The following DDX1 variants were observed in gnomAD, a reference collection of about 807,000 sequenced individuals.
DDX1 encodes DEAD-box helicase 1, also known as ATP-dependent RNA helicase DDX1.
A neutral mutation model predicts 108.7 loss-of-function variants in DDX1; 28 were observed. That is an observed-to-expected ratio of 0.26 (90% CI 0.19 to 0.35). DDX1 has a LOEUF of 0.35. Ranked by LOEUF, DDX1 falls within the 10% of genes least tolerant of loss-of-function variation. The pLI is 1.00. For missense variants in DDX1, 710 were observed against 884.5 expected (o/e 0.80, Z 2.50); for synonymous variants, 295 against 288.9 (o/e 1.02, Z -0.21).
intron 13 of DDX1, among the ~76,000 whole-genome samples, chr2:15,611,589 G>A (rs1665761518): frequency 8.2e-6 from 1 of 121,664 alleles, no homozygotes. Flanking sequence ...CCTCCCGGAC[G>A]GGGCGGCTGG....
intron 1 of DDX1, among the ~76,000 whole-genome samples, chr2:15,594,510 A>C (rs79889802): frequency 0.019 from 2,824 of 152,314 alleles, 95 homozygotes; most frequent in African/African-American, 0.063. Flanking sequence ...TTGAAGTAGA[A>C]TTATTGAGAT....
In DDX1 at chr2:15,630,788, A is replaced by G. The variant is rs866682309; in HGVS notation, c.2105A>G (p.Lys702Arg). ...GTGTGTGATGCAGGTGGAAGCTATA[A>G]AGGCCATGTGGATATTTTGGCACCT... ...QKRAAGGGSY[K>R]GHVDILAPTV... Residue 702 changes from lysine (K) to arginine (R), a missense_variant, in exon 26 of 26, where the codon AAA becomes AGA. Lys to Arg is a conservative substitution (Grantham distance 26). Coordinates refer to ENST00000233084, the MANE Select transcript of DDX1 (RefSeq NM_004939.3). The G allele has an allele frequency of 6.2e-7, 1 of 1,613,650 alleles. No individual in the cohort carries two copies. The highest frequency in any genetic ancestry group is 1.3e-5 in the African/African-American group (1 of 75,028).
chr2:15,607,585 A>G (rs1665685678), intron 13 of DDX1, among the ~76,000 whole-genome samples: 1 of 151,900 alleles, frequency 6.6e-6, no homozygotes, highest in Non-Finnish European at 1.5e-5. Flanking sequence ...GTAAAAATCT[A>G]ATTTTTGGTT....
At position 15,604,519 on chromosome 2, in the gene DDX1, A is replaced by T; in HGVS notation, c.625+10A>T. On this transcript the variant is annotated intron_variant, in intron 10 of 25. Transcript: ENST00000233084. ...AAGTTCTCCAAAAATGGTAAGCTCT[A>T]TATGGATCTTAGTAGTGAAAAGATA... 1.9e-6 allele frequency: 3 copies of T among 1,540,790 alleles called. No homozygotes were observed. Among genetic ancestry groups the T allele is most frequent in the South Asian group, 2.2e-5 (2 of 89,300 alleles).
At chr2:15,604,657 G>A (rs1163519110) in intron 10 of DDX1, 148 bp downstream of exon 10, 1 of 619,750 alleles carries the variant, frequency 1.6e-6, no homozygotes, top group Non-Finnish European at 2.9e-6. Flanking sequence ...TTGACTATGT[G>A]TAAGGTACCC....
At chr2:15,593,618 T>A (rs538787644) in intron 1 of DDX1, among the ~76,000 whole-genome samples, 7 of 152,340 alleles carry the variant, frequency 4.6e-5, no homozygotes, top group African/African-American at 1.7e-4. Context: ...CTTGCAGTAT[T>A]CCGTATGCAG....
chr2:15,603,298 A>G (rs2148739221), intron 8 of DDX1, 23 bp downstream of exon 8: 1 of 1,463,926 alleles, frequency 6.8e-7, no homozygotes, highest in South Asian at 1.2e-5. Flanking sequence ...AAAATAACTG[A>G]ATTGATTGAT....
intron 13 of DDX1, among the ~76,000 whole-genome samples, chr2:15,608,663 G>GTTTTTTTTTTT (rs569566545): frequency 2.8e-5 from 3 of 106,726 alleles, no homozygotes; most frequent in African/African-American, 3.7e-5. Flanking sequence ...TTTTTTTTAG[G>GTTTTTTTTTTT]TTTTTTTTTT....
Position 15,613,302 on chromosome 2 carries a change from TTTTTAAAACA to T in DDX1, c.1017+20_1017+29del. The T allele has an allele frequency of 6.4e-7, 1 of 1,574,486 alleles. No individual in the cohort carries two copies. The highest frequency in any genetic ancestry group is 8.7e-7 in the Non-Finnish European group (1 of 1,154,314). ...AAAATGGAGTAAGTTGTAGTTTTAA[TTTTTAAAACA>T]TAATGTCATGGGCTGTCGTTTTAGC... On this transcript the variant is annotated intron_variant, in intron 14 of 25. Transcript: ENST00000233084.
At chr2:15,595,620 A>C (rs1665484995) in intron 3 of DDX1, 67 bp downstream of exon 3, 1 of 1,073,648 alleles carries the variant, frequency 9.3e-7, no homozygotes. Flanking sequence ...TAGGCTTACA[A>C]ATGCTACTTT....
intron 13 of DDX1, 102 bp downstream of exon 13, chr2:15,607,415 T>TTATGTATACACACTG: frequency 4.1e-6 from 4 of 980,230 alleles, no homozygotes; most frequent in Non-Finnish European, 6.2e-6. Flanking sequence ...TCAGTGTGTA[T>TTATGTATACACACTG]ACATAATACA....
At chr2:15,611,733 G>T (rs1456595958) in intron 13 of DDX1, among the ~76,000 whole-genome samples, 1 of 80,128 alleles carries the variant, frequency 1.2e-5, no homozygotes, top group African/African-American at 6.8e-5. Flanking sequence ...CTGGCCGGGC[G>T]GGGGGCTGAC....
At chr2:15,597,529 A>G in intron 5 of DDX1, 58 bp downstream of exon 5, 1 of 1,126,014 alleles carries the variant, frequency 8.9e-7, no homozygotes, top group South Asian at 1.4e-5. Context: ...CATCACTGAC[A>G]GTTAGGAAAG....
At position 15,628,493 on chromosome 2, in the gene DDX1, A is replaced by G; in HGVS notation, c.1735A>G (p.Ile579Val). The change falls in exon 21 of 26, where the codon ATT becomes GTT. Residue 579 changes from isoleucine (I) to valine (V), a missense_variant. Coordinates refer to ENST00000233084, the MANE Select transcript of DDX1 (RefSeq NM_004939.3). The stretch of plus-strand genomic sequence containing the variant: ...TTGCACAGATGTAGCTGCTAGAGGA[A>G]TTGATATCCACGGTGTTCCTTATGG... ...LICTDVAARGIDIHGVPYVIN... is the reference protein window; with the variant it reads ...LICTDVAARGVDIHGVPYVIN... The G allele has an allele frequency of 1.2e-6, 2 of 1,613,350 alleles. No homozygotes were observed. The highest frequency in any genetic ancestry group is 1.7e-6 in the Non-Finnish European group (2 of 1,179,382).
At chr2:15,617,370 A>G in intron 15 of DDX1, 28 bp downstream of exon 15, 1 of 1,391,876 alleles carries the variant, frequency 7.2e-7, no homozygotes, top group Non-Finnish European at 9.9e-7. Context: ...CATACTTTTT[A>G]AAAAGTTTAC....
At position 15,629,663 on chromosome 2, in the gene DDX1, A is replaced by T. The variant is rs139597816; in HGVS notation, c.1937A>T (p.Asp646Val). Residue 646 changes from aspartate (D) to valine (V), a missense_variant, in exon 24 of 26, where the codon GAT becomes GTT. Coordinates refer to ENST00000233084, the MANE Select transcript of DDX1 (RefSeq NM_004939.3). ...TGTTATAACACAAGACTCAAGGAAGATGGAGGCTGTACCATATGGTACAAC... is the reference window on the plus strand; with the variant it reads ...TGTTATAACACAAGACTCAAGGAAGTTGGAGGCTGTACCATATGGTACAAC... ...KGCYNTRLKE[D>V]GGCTIWYNEM... 143 of 1,589,674 alleles carry T rather than the reference A, an allele frequency of 9.0e-5. No homozygotes were observed. Among genetic ancestry groups the T allele is most frequent in the Non-Finnish European group, 1.1e-4 (134 of 1,172,694 alleles).
intron 19 of DDX1, 126 bp downstream of exon 19, chr2:15,623,708 C>G (rs1255299289): frequency 2.7e-6 from 2 of 746,806 alleles, no homozygotes; most frequent in Non-Finnish European, 4.4e-6. Context: ...TTTTAAGTAT[C>G]TATGCTTATT....
chr2:15,601,939 G>C (rs1009046432), intron 6 of DDX1, among the ~76,000 whole-genome samples: 28 of 152,132 alleles, frequency 1.8e-4, no homozygotes, highest in Admixed American at 3.3e-4. Flanking sequence ...GTATAGTATA[G>C]AATATACCTC....
intron 13 of DDX1, among the ~76,000 whole-genome samples, chr2:15,608,420 G>A (rs953961950): frequency 1.3e-5 from 2 of 151,770 alleles, no homozygotes; most frequent in East Asian, 3.9e-4. Context: ...CCAGCTACTC[G>A]GGAGGCCAAG....
Sources: gnomAD v4.1 joint callset for allele counts (sites outside exome capture counted in the v4.1 genomes callset) on GRCh38, gnomAD v4.1.1 for gene constraint, MANE v1.5 for transcripts, NCBI Gene and HGNC (gene_info 2026-07-23, HGNC 2026-07-21) for gene names.